Variants in MYO16 observed in about 807,000 individuals in gnomAD.
MYO16 encodes the protein unconventional myosin-XVI.
Under a neutral mutation model 205.3 loss-of-function variants are expected in MYO16, and 94 were observed. That is an observed-to-expected ratio of 0.46 (90% confidence interval 0.39 to 0.54). MYO16 has a LOEUF of 0.54. MYO16 is among the 20% of genes least tolerant of loss of function. The pLI is 0.00. For synonymous variants in MYO16, 988 were observed against 954.0 expected (o/e 1.04, Z -0.66); for missense variants, 2,315 against 2,387.5 (o/e 0.97, Z 0.63).
the MYO16 span, among the ~76,000 whole-genome samples, chr13:108,529,504 C>T: frequency 5.3e-5 from 8 of 152,156 alleles, no homozygotes; most frequent in South Asian, 4.1e-4. Context: ...CCAGGGCAAG[C>T]TTCACTAGAG....
chr13:108,685,649 C>A (rs1882648236), intron 2 of MYO16, among the ~76,000 whole-genome samples: 1 of 152,296 alleles, frequency 6.6e-6, no homozygotes, highest in South Asian at 2.1e-4. Flanking sequence ...TGCTGACGGT[C>A]TATATGGCTG....
At chr13:108,721,151 A>G (rs1884146831) in intron 3 of MYO16, among the ~76,000 whole-genome samples, 1 of 152,214 alleles carries the variant, frequency 6.6e-6, no homozygotes, top group South Asian at 2.1e-4. Flanking sequence ...TTACAAATGA[A>G]ATAGTGCAGT....
chr13:108,882,930 A>G lies in MYO16; in HGVS notation c.1426-129A>G, dbSNP rs979105709. 1.0e-4 allele frequency: 132 copies of G among 1,294,034 alleles called. No individual in the cohort carries two copies. In the African/African-American group the frequency reaches 1.6e-3, roughly 16 times the overall value. 80.2% of individuals were successfully genotyped at this position (1,294,034 alleles called of 1,614,324 possible). ...TGTAATTTTACAAATGTTTTTACAT[A>G]CCAATGAGATTCAGAATTAGGGATT... On this transcript the variant is annotated intron_variant, in intron 12 of 34. Coordinates refer to ENST00000457511, the MANE Select transcript of MYO16 (RefSeq NM_001198950.3).
At chr13:108,568,664 A>G in the MYO16 span, among the ~76,000 whole-genome samples, 16 of 152,066 alleles carry the variant, frequency 1.1e-4, no homozygotes, top group African/African-American at 3.9e-4. Context: ...TATCAACTCC[A>G]TGACAAAAGT....
intron 4 of MYO16, among the ~76,000 whole-genome samples, chr13:108,727,977 A>AG (rs1358656491): frequency 1.3e-5 from 2 of 152,224 alleles, no homozygotes; most frequent in African/African-American, 4.8e-5. Context: ...CATCTAGTAA[A>AG]GAAGTGTCTA....
intron 2 of MYO16, among the ~76,000 whole-genome samples, chr13:108,707,613 G>T (rs1014036603): frequency 1.3e-5 from 2 of 152,124 alleles, no homozygotes; most frequent in African/African-American, 2.4e-5. Context: ...TGTCCTGAGG[G>T]ATCCTGTGGG....
the MYO16 span, among the ~76,000 whole-genome samples, chr13:108,556,047 T>A: frequency 6.6e-6 from 1 of 152,194 alleles, no homozygotes; most frequent in Admixed American, 6.5e-5. Flanking sequence ...ATAATGCTAA[T>A]GGATACTTAG....
the MYO16 span, among the ~76,000 whole-genome samples, chr13:108,507,585 G>A: frequency 6.6e-6 from 1 of 152,052 alleles, no homozygotes; most frequent in Non-Finnish European, 1.5e-5. Context: ...TGATGATAAT[G>A]TGTCTTTGTG....
chr13:108,546,138 A>C, the MYO16 span, among the ~76,000 whole-genome samples: 1 of 152,178 alleles, frequency 6.6e-6, no homozygotes, highest in Non-Finnish European at 1.5e-5. Context: ...TTGACAGTCT[A>C]TGATACAGGA....
chr13:108,575,982 C>G, the MYO16 span, among the ~76,000 whole-genome samples: 1 of 152,054 alleles, frequency 6.6e-6, no homozygotes, highest in Non-Finnish European at 1.5e-5. Flanking sequence ...CCAAATCTAG[C>G]TGGGGCTGGA....
intron 34 of MYO16, chr13:109,201,583 T>G (rs1213040469): frequency 2.0e-5 from 3 of 152,164 alleles, no homozygotes; most frequent in African/African-American, 7.2e-5. Flanking sequence ...AAGAACGTCT[T>G]TATTTCACTT....
At chr13:108,806,040 G>C (rs1213630632) in intron 6 of MYO16, among the ~76,000 whole-genome samples, 1 of 152,100 alleles carries the variant, frequency 6.6e-6, no homozygotes, top group Admixed American at 6.6e-5. Flanking sequence ...GAGCCCTGGA[G>C]ATTAAGGCTG....
At chr13:109,142,295 G>C (rs1877135625) in intron 32 of MYO16, among the ~76,000 whole-genome samples, 1 of 152,150 alleles carries the variant, frequency 6.6e-6, no homozygotes, top group Non-Finnish European at 1.5e-5. Context: ...TTTCTCAATG[G>C]TGTGTATTTT....
the MYO16 span, among the ~76,000 whole-genome samples, chr13:108,573,501 G>A: frequency 6.6e-6 from 1 of 152,166 alleles, no homozygotes; most frequent in Non-Finnish European, 1.5e-5. Flanking sequence ...CTTATTAACT[G>A]AATTATTCAC....
At chr13:108,525,092 A>G in the MYO16 span, among the ~76,000 whole-genome samples, 3 of 152,346 alleles carry the variant, frequency 2.0e-5, no homozygotes, top group Admixed American at 6.5e-5. Context: ...AGTCCACTCA[A>G]CACACAGACT....
At chr13:108,830,002 T>A in intron 9 of MYO16, among the ~76,000 whole-genome samples, 1 of 140,894 alleles carries the variant, frequency 7.1e-6, no homozygotes. Flanking sequence ...AAAAAACACA[T>A]GAAAAAATGC....
chr13:108,730,245 T>G (rs1452005549), intron 4 of MYO16, among the ~76,000 whole-genome samples: 2 of 152,154 alleles, frequency 1.3e-5, no homozygotes, highest in Admixed American at 6.5e-5. Context: ...ATAAGGGGCT[T>G]TCTCCTTCAC....
At chr13:108,936,782 T>C (rs1389813145) in intron 16 of MYO16, among the ~76,000 whole-genome samples, 1 of 152,182 alleles carries the variant, frequency 6.6e-6, no homozygotes, top group Non-Finnish European at 1.5e-5. Context: ...TTTATACAAC[T>C]TGCCACTCTG....
intron 27 of MYO16, among the ~76,000 whole-genome samples, chr13:109,095,900 G>A (rs560781176): frequency 3.3e-5 from 5 of 152,200 alleles, no homozygotes; most frequent in East Asian, 1.9e-4. Context: ...AGTGGTTACT[G>A]TTGAGTTTTA....
Sources: gnomAD v4.1 joint callset for allele counts (sites outside exome capture counted in the v4.1 genomes callset) on GRCh38, gnomAD v4.1.1 for gene constraint, MANE v1.5 for transcripts, NCBI Gene and HGNC (gene_info 2026-07-23, HGNC 2026-07-21) for gene names.